The following ZZEF1 variants were observed in gnomAD, a reference collection of about 807,000 sequenced individuals.
ZZEF1 encodes the protein zinc finger ZZ-type and EF-hand domain containing 1.
Under a neutral mutation model 342.8 loss-of-function variants are expected in ZZEF1, and 157 were observed. The observed-to-expected ratio is 0.46, with a 90% CI of 0.40 to 0.52. The LOEUF is 0.52. Among genes scored for constraint, ZZEF1 ranks in the 20% least tolerant of loss-of-function variants. ZZEF1 has a pLI of 0.00. For synonymous variants in ZZEF1, 1,505 were observed against 1,429.1 expected (o/e 1.05, Z -1.20); for missense variants, 3,480 against 3,725.6 (o/e 0.93, Z 1.72).
intron 1 of ZZEF1, among the ~76,000 whole-genome samples, chr17:4,131,492 A>AC (rs1242169494): frequency 6.6e-6 from 1 of 151,660 alleles, no homozygotes; most frequent in African/African-American, 2.4e-5. Context: ...TATAAGAAAA[A>AC]AAAAGGCCAG....
At chr17:4,030,619 C>G (rs1452354689) in intron 42 of ZZEF1, among the ~76,000 whole-genome samples, 3 of 152,186 alleles carry the variant, frequency 2.0e-5, no homozygotes, top group African/African-American at 7.2e-5. Context: ...CCTCCCACAT[C>G]AGCCTCCCAG....
At position 4,056,306 on chromosome 17, in the gene ZZEF1, C is replaced by T. The variant is rs1218955636; in HGVS notation, c.5205G>A (p.Gln1735=). The part of the protein sequence containing the change: ...SEEDELADAK[Q]NSEWMDECQD... ...GACACTCATCCATCCATTCTGAATT[C>T]TGCTTGGCATCAGCAAGCTCATCTT... The change falls in exon 33 of 55, where the codon CAG becomes CAA. Residue 1735 remains glutamine, a synonymous_variant. Transcript: ENST00000381638. The T allele has an allele frequency of 6.2e-7, 1 of 1,601,132 alleles. No individual in the cohort carries two copies. The highest frequency in any genetic ancestry group is 1.7e-5 in the Admixed American group (1 of 58,134).
In ZZEF1 at chr17:4,034,259, C is replaced by T. The variant is rs775493681; in HGVS notation, c.6340G>A (p.Val2114Ile). 2.5e-6 allele frequency: 4 copies of T among 1,614,174 alleles called. No individual in the cohort carries two copies. Among genetic ancestry groups the T allele is most frequent in the South Asian group, 2.2e-5 (2 of 91,084 alleles). The change falls in exon 40 of 55, where the codon GTC becomes ATC. Residue 2114 changes from valine (V) to isoleucine (I), a missense_variant. Val to Ile is a conservative substitution (Grantham distance 29). This residue lies in a region of ZZEF1 where 1,269 missense variants were observed against 1,342.4 expected (regional missense o/e 0.95). Transcript: ENST00000381638. ...PTVPLIDLEH[V>I]LPLMFQVVIS... ...ACAACCTGAAACATGAGTGGAAGGA[C>T]GTGCTCCAGGTCTATCAGGGGAACC...
At position 4,064,528 on chromosome 17, in the gene ZZEF1, C is replaced by T. The variant is rs759052473; in HGVS notation, c.4551G>A (p.Leu1517=). ...DVSPATAEEP[L]SPSTPTRRPP... is the part of the protein sequence containing the mutation. ...GCCGGCGGGTGGGTGTGGAAGGTGA[C>T]AAGGGCTCTTCAGCTGTGGCAGGGG... Residue 1517 remains leucine, a synonymous_variant, in exon 29 of 55, where the codon TTG becomes TTA. Transcript: ENST00000381638. The T allele has an allele frequency of 6.2e-7, 1 of 1,614,168 alleles. No homozygotes were observed. Among genetic ancestry groups the T allele is most frequent in the Admixed American group, 1.7e-5 (1 of 60,024 alleles).
intron 29 of ZZEF1, among the ~76,000 whole-genome samples, chr17:4,063,818 T>C (rs2145228574): frequency 6.6e-6 from 1 of 151,570 alleles, no homozygotes; most frequent in Admixed American, 6.6e-5. Flanking sequence ...ACCTCTGCCT[T>C]CCAACTTTGA....
chr17:4,049,624 A>C (rs1012762202), intron 37 of ZZEF1, 84 bp downstream of exon 37: 1 of 1,539,440 alleles, frequency 6.5e-7, no homozygotes. Flanking sequence ...CTGTGCTCTT[A>C]ACCTCTCTGC....
rs536623607 is a variant in ZZEF1, at chr17:4,122,514, G to A, written c.499+1393C>T. On this transcript the variant is annotated intron_variant, in intron 2 of 54. Coordinates refer to ENST00000381638, the MANE Select transcript of ZZEF1 (RefSeq NM_015113.4). ...CCTGCCTTAGCCTCCCGAATAGCTG[G>A]GATTACAGGCATGCACCAACATGCC... Among the ~76,000 whole-genome samples the A allele has an allele frequency of 2.0e-5, 3 of 152,060 alleles. No individual in the cohort carries two copies. The East Asian group carries it at 5.8e-4, about 30-fold the overall frequency.
At position 4,062,785 on chromosome 17, in the gene ZZEF1, C is replaced by G. The variant is rs958174838; in HGVS notation, c.4851G>C (p.Leu1617Phe). The change falls in exon 30 of 55, where the codon TTG (leucine) becomes TTC (phenylalanine). Residue 1617 changes from leucine to phenylalanine, a missense_variant. By Grantham distance (22) the Leu-to-Phe change is conservative. Transcript: ENST00000381638. The part of the protein sequence containing the change: ...CFHPPFILFL[L>F]ELLTCQKDFT... ...AATCTTTCTGACAGGTCAGAAGTTC[C>G]AACAGGAAAAGTATGAAAGGTGGAT... is the stretch of plus-strand genomic sequence containing the variant. 4 of 1,611,100 alleles carry G rather than the reference C, an allele frequency of 2.5e-6. No individual in the cohort carries two copies. The highest frequency in any genetic ancestry group is 3.4e-6 in the Non-Finnish European group (4 of 1,178,578).
chr17:4,032,322 G>A, intron 41 of ZZEF1, 64 bp from the exon 42 acceptor site: 2 of 1,563,072 alleles, frequency 1.3e-6, no homozygotes, highest in Admixed American at 1.9e-5. Flanking sequence ...GAATTCTTAG[G>A]CATAAGCCCA....
In ZZEF1 at chr17:4,021,933, GT is replaced by G. The variant is rs932241935; in HGVS notation, c.7213-614del. On this transcript the variant is annotated intron_variant, in intron 44 of 54. Coordinates refer to ENST00000381638, the MANE Select transcript of ZZEF1 (RefSeq NM_015113.4). ...GTGTTTGGAATATAGAGTTTGGAGG[GT>G]TTTTTTTTTTCTTTTATAAAGTTTT... 5.9e-3 allele frequency among the ~76,000 whole-genome samples: 866 copies of G among 146,670 alleles called. 8 individuals are homozygous for G. The highest frequency in any genetic ancestry group is 6.9e-3 in the Non-Finnish European group (460 of 66,370).
intron 14 of ZZEF1, 93 bp downstream of exon 14, chr17:4,087,340 TA>T (rs199811380): frequency 0.012 from 9,865 of 847,450 alleles, 16 homozygotes; most frequent in Non-Finnish European, 0.014. Flanking sequence ...TGGTAGGAAG[TA>T]AAAAAAAAAT....
At position 4,075,143 on chromosome 17, in the gene ZZEF1, C is replaced by A. The variant is rs538073484; in HGVS notation, c.3437G>T (p.Arg1146Leu). The A allele has an allele frequency of 6.2e-7, 1 of 1,614,050 alleles. No individual in the cohort carries two copies. The highest frequency in any genetic ancestry group is 8.5e-7 in the Non-Finnish European group (1 of 1,180,038). Reference sequence around the variant, plus strand: ...AACTTTTGTGTCATAGCGTGTTTTCCGACCTCTAGCGTCGGTAAATTCCAG... The same window carrying A: ...AACTTTTGTGTCATAGCGTGTTTTCAGACCTCTAGCGTCGGTAAATTCCAG... ...DYLEFTDARG[R>L]KTRYDTKVGT... The change falls in exon 23 of 55, where the codon CGG becomes CTG. Residue 1146 changes from arginine to leucine, a missense_variant. By Grantham distance (102) the Arg-to-Leu change is moderately radical (BLOSUM62 -2). Transcript: ENST00000381638.
rs1315610962 is a variant in ZZEF1 at position 4,070,560 on chromosome 17, T to C, written c.4075+124A>G. 2.6e-6 allele frequency: 3 copies of C among 1,170,270 alleles called. No individual in the cohort carries two copies. The African/African-American group carries it at 4.7e-5, about 18-fold the overall frequency. 72.5% of individuals were successfully genotyped at this position (1,170,270 alleles called of 1,614,324 possible). ...AATAGGCAAAGTAGAACCAACAAGA[T>C]GATGTTTACAGTTATAGAAATGTGT... is the stretch of plus-strand genomic sequence containing the variant. On this transcript the variant is annotated intron_variant, in intron 26 of 54. Coordinates refer to ENST00000381638, the MANE Select transcript of ZZEF1 (RefSeq NM_015113.4).
At chr17:4,080,625 G>A (rs567369807) in intron 18 of ZZEF1, among the ~76,000 whole-genome samples, 15 of 152,210 alleles carry the variant, frequency 9.9e-5, no homozygotes, top group African/African-American at 3.6e-4. Context: ...CCCGACCTCA[G>A]GTGATCCGCC....
chr17:4,095,308 C>T (rs1428927113), intron 11 of ZZEF1, among the ~76,000 whole-genome samples: 1 of 152,208 alleles, frequency 6.6e-6, no homozygotes, highest in Non-Finnish European at 1.5e-5. Context: ...CCTGTGTCCC[C>T]ACAGCGCCCT....
At chr17:4,128,345 T>TAAAAA (rs74340131) in intron 1 of ZZEF1, among the ~76,000 whole-genome samples, 1 of 81,550 alleles carries the variant, frequency 1.2e-5, no homozygotes, top group African/African-American at 5.0e-5. Context: ...CAGACTGTCT[T>TAAAAA]AAAAAAAAAA....
In ZZEF1 at chr17:4,005,350, G is replaced by C. The variant is rs909392984; in HGVS notation, c.*1540C>G. 6.6e-6 allele frequency: 1 copy of C among 152,436 alleles called. No homozygotes were observed. Among genetic ancestry groups the C allele is most frequent in the African/African-American group, 2.4e-5 (1 of 41,478 alleles). 9.4% of individuals were successfully genotyped at this position (152,436 alleles called of 1,614,324 possible). On this transcript the variant is annotated 3_prime_UTR_variant, in exon 55 of 55. Coordinates refer to ENST00000381638, the MANE Select transcript of ZZEF1 (RefSeq NM_015113.4). ...TTCAGGTCCCAAGCCACAGGAACCA[G>C]GCCAGGCCTTTCCACCAGGGCAATG...
intron 9 of ZZEF1, among the ~76,000 whole-genome samples, chr17:4,100,728 G>T (rs867491218): frequency 1.3e-5 from 2 of 152,154 alleles, no homozygotes; most frequent in African/African-American, 4.8e-5. Flanking sequence ...TCAGATACTC[G>T]GAAGGCTGAG....
intron 9 of ZZEF1, among the ~76,000 whole-genome samples, chr17:4,097,971 C>T (rs572361582): frequency 7.6e-4 from 111 of 146,476 alleles, no homozygotes; most frequent in Non-Finnish European, 1.3e-3. Context: ...GGTGTGGTGG[C>T]TCACACCTAT....
Sources: allele counts gnomAD v4.1 joint callset (sites outside exome capture counted in the v4.1 genomes callset), GRCh38; gene constraint gnomAD v4.1.1; regional missense constraint gnomAD v4.1.1; transcripts MANE v1.5; gene names NCBI Gene and HGNC (gene_info 2026-07-23, HGNC 2026-07-21).